ZNF367: variants seen among roughly 807,000 people sequenced by gnomAD.
The protein encoded by ZNF367 is zinc finger protein 367.
ZNF367 carries 11 observed loss-of-function variants against 31.8 expected under a neutral mutation model. The observed-to-expected ratio is 0.35, with a 90% CI of 0.22 to 0.57. ZNF367 has a LOEUF of 0.57. ZNF367 is among the 20% of genes least tolerant of loss of function. The pLI is 0.85. For missense variants in ZNF367, 353 were observed against 484.1 expected, an observed-to-expected ratio of 0.73 and a Z score of 2.54; for synonymous variants, 199 against 202.4, an observed-to-expected ratio of 0.98 and a Z score of 0.14.
chr9:96,393,299 G>A (rs973687695), intron 3 of ZNF367, among the ~76,000 whole-genome samples: 3 of 152,044 alleles, frequency 2.0e-5, no homozygotes, highest in Non-Finnish European at 4.4e-5. Context: ...CGAGGCGGGT[G>A]GATCACCTGA....
chr9:96,395,193 C>T (rs1272120250), intron 2 of ZNF367, among the ~76,000 whole-genome samples: 1 of 152,084 alleles, frequency 6.6e-6, no homozygotes, highest in East Asian at 1.9e-4. Context: ...ATTTTTTCTC[C>T]CTCATACTCC....
intron 1 of ZNF367, among the ~76,000 whole-genome samples, chr9:96,416,811 G>A (rs1184276783): frequency 1.3e-5 from 2 of 152,190 alleles, no homozygotes; most frequent in Non-Finnish European, 2.9e-5. Flanking sequence ...TGGCTCACCT[G>A]GAGCTTACAG....
intron 4 of ZNF367, among the ~76,000 whole-genome samples, chr9:96,389,554 G>A (rs1831444961): frequency 6.6e-6 from 1 of 152,154 alleles, no homozygotes; most frequent in East Asian, 1.9e-4. Flanking sequence ...AAGGGGGCAC[G>A]AAGAAACTTG....
rs112821558 is a variant in ZNF367, at chr9:96,414,582, A to C, written c.420+3031T>G. Among the ~76,000 whole-genome samples, 371 of 151,978 alleles carry C rather than the reference A, an allele frequency of 2.4e-3. 1 individual carries two copies. The highest frequency in any genetic ancestry group is 8.5e-3 in the African/African-American group (351 of 41,432). ...AACCTCCGTCTCCAGGGTTCATGTG[A>C]TTCTCCTGCCTTAGCCTCCCAAGTA... On this transcript the variant is annotated intron_variant, in intron 1 of 4. Transcript: ENST00000375256.
chr9:96,401,866 G>T (rs894931729), intron 1 of ZNF367, among the ~76,000 whole-genome samples: 1 of 151,618 alleles, frequency 6.6e-6, no homozygotes, highest in Non-Finnish European at 1.5e-5. Flanking sequence ...AGGTGCAGTG[G>T]TGTGTGCCTA....
At chr9:96,412,107 G>A (rs892128904) in intron 1 of ZNF367, among the ~76,000 whole-genome samples, 19 of 152,124 alleles carry the variant, frequency 1.2e-4, no homozygotes, top group Non-Finnish European at 2.4e-4. Flanking sequence ...AATAAGCAAT[G>A]TTACTTAAAG....
chr9:96,392,202 T>C lies in ZNF367; in HGVS notation c.830+196A>G, dbSNP rs1831479929. 4.1e-6 allele frequency: 3 copies of C among 723,860 alleles called. No individual in the cohort carries two copies. The South Asian group carries it at 6.0e-5, about 14-fold the overall frequency. 44.8% of individuals were successfully genotyped at this position (723,860 alleles called of 1,614,324 possible). A position where few individuals can be genotyped will look rare whatever the true frequency, so the allele number is the denominator to read the frequency against. ...TCTGGGCACTCTAATTATATTGTAA[T>C]TTTCTATCACACACAGATCCTAAGA... On this transcript the variant is annotated intron_variant, in intron 4 of 4. Coordinates refer to ENST00000375256, the MANE Select transcript of ZNF367 (RefSeq NM_153695.4).
Position 96,418,021 on chromosome 9 carries a change from G to A in ZNF367, c.12C>T (p.Gly4=). ...GGTTCTCCGCCATGGGCGCCTCGAA[G>A]CCCCGGATCATCGCCCGGCCCGACC... MIR[G]FEAPMAENPP... Residue 4 remains glycine (G), a synonymous_variant, in exon 1 of 5, where the codon GGC becomes GGT. Coordinates refer to ENST00000375256, the MANE Select transcript of ZNF367 (RefSeq NM_153695.4). The A allele has an allele frequency of 2.2e-6, 3 of 1,377,956 alleles. No homozygotes were observed. Among genetic ancestry groups the A allele is most frequent in the Non-Finnish European group, 2.8e-6 (3 of 1,072,542 alleles). 85.4% of individuals were successfully genotyped at this position (1,377,956 alleles called of 1,614,324 possible). A position where few individuals can be genotyped will look rare whatever the true frequency, so the allele number is the denominator to read the frequency against.
chr9:96,390,113 C>G (rs1225812597), intron 4 of ZNF367, among the ~76,000 whole-genome samples: 1 of 151,228 alleles, frequency 6.6e-6, no homozygotes, highest in Admixed American at 6.6e-5. Context: ...TGCCATTTAG[C>G]CAGGCTGATC....
chr9:96,402,891 C>T (rs1831626004), intron 1 of ZNF367, among the ~76,000 whole-genome samples: 2 of 152,044 alleles, frequency 1.3e-5, no homozygotes, highest in African/African-American at 4.8e-5. Context: ...AGACTGAAAG[C>T]ATTCCAAGTA....
intron 1 of ZNF367, chr9:96,407,825 G>A: frequency 1.1e-6 from 1 of 900,698 alleles, no homozygotes; most frequent in East Asian, 2.6e-5. Context: ...GTGTTAGCCA[G>A]GATGGTCTCG....
At chr9:96,402,863 G>C (rs757065857) in intron 1 of ZNF367, among the ~76,000 whole-genome samples, 104 of 152,032 alleles carry the variant, frequency 6.8e-4, no homozygotes, top group Non-Finnish European at 1.2e-3. Context: ...CCACAAAAAA[G>C]TCTCACTAAA....
chr9:96,403,757 C>A (rs1343532271), intron 1 of ZNF367, among the ~76,000 whole-genome samples: 1 of 152,176 alleles, frequency 6.6e-6, no homozygotes, highest in East Asian at 1.9e-4. Context: ...GAACATTCAA[C>A]AGAGAAAGAA....
chr9:96,388,116 A>G lies in ZNF367; in HGVS notation c.*121T>C. 1 of 950,174 alleles carries G rather than the reference A, an allele frequency of 1.1e-6. No individual in the cohort carries two copies. The highest frequency in any genetic ancestry group is 1.9e-5 in the South Asian group (1 of 53,532). 58.9% of individuals were successfully genotyped at this position (950,174 alleles called of 1,614,324 possible). On this transcript the variant is annotated 3_prime_UTR_variant, in exon 5 of 5. Transcript: ENST00000375256. ...ATATTCTGGGGCAATAACATTCTTCATAAATTTCTACAGAATAGCAGCCTA... is the reference window on the plus strand; with the variant it reads ...ATATTCTGGGGCAATAACATTCTTCGTAAATTTCTACAGAATAGCAGCCTA...
chr9:96,400,486 G>T (rs1330827025), intron 1 of ZNF367, among the ~76,000 whole-genome samples: 1 of 148,870 alleles, frequency 6.7e-6, no homozygotes, highest in East Asian at 2.0e-4. Flanking sequence ...CCAACAAAGA[G>T]ACAGAAATTA....
At chr9:96,408,610 G>A (rs1234706964) in intron 1 of ZNF367, among the ~76,000 whole-genome samples, 3 of 152,208 alleles carry the variant, frequency 2.0e-5, no homozygotes, top group Admixed American at 1.3e-4. Context: ...CCAGGGACTA[G>A]AGAGGGGCGG....
chr9:96,388,579 T>C, intron 4 of ZNF367, 120 bp from the exon 5 acceptor site: 2 of 913,624 alleles, frequency 2.2e-6, no homozygotes, highest in Non-Finnish European at 3.2e-6. Context: ...TATAAAGTTA[T>C]AAAGTGATTT....
At position 96,398,270 on chromosome 9, in the gene ZNF367, A is replaced by T. The variant is rs941450095; in HGVS notation, c.465T>A (p.Asp155Glu). ...ATGAATGCTCTCCTTCATTTATTAA[A>T]TCGCGGACAGTATCTGCTCTGGGCC... ...RGRPRADTVR[D>E]LINEGEHSSS... is the part of the protein sequence containing the mutation. Residue 155 changes from aspartate to glutamate, a missense_variant, in exon 2 of 5, where the codon GAT becomes GAA. This residue lies in a region of ZNF367 where 57 missense variants were observed against 141.9 expected (regional missense o/e 0.40). Coordinates refer to ENST00000375256, the MANE Select transcript of ZNF367 (RefSeq NM_153695.4). The T allele has an allele frequency of 1.9e-6, 3 of 1,613,774 alleles. No homozygotes were observed. Among genetic ancestry groups the T allele is most frequent in the Non-Finnish European group, 1.7e-6 (2 of 1,179,848 alleles).
chr9:96,409,956 A>G (rs990546171), intron 1 of ZNF367, among the ~76,000 whole-genome samples: 1 of 152,264 alleles, frequency 6.6e-6, no homozygotes. Context: ...CTGTTAAGAA[A>G]GAAACAGAAC....
Sources: gnomAD v4.1 joint callset for allele counts (sites outside exome capture counted in the v4.1 genomes callset) on GRCh38, gnomAD v4.1.1 for gene constraint, gnomAD v4.1.1 regional missense constraint, MANE v1.5 for transcripts, NCBI Gene and HGNC (gene_info 2026-07-23, HGNC 2026-07-21) for gene names.